Variants in MYOM1 observed in about 807,000 individuals in gnomAD.
MYOM1 encodes the protein myomesin 1, also known as myomesin-1.
A neutral mutation model predicts 205.3 loss-of-function variants in MYOM1; 164 were observed. That is an observed-to-expected ratio of 0.80 (90% confidence interval 0.70 to 0.91). MYOM1 has a LOEUF of 0.91. Among genes scored for constraint, MYOM1 ranks in the 40% least tolerant of loss-of-function variants. The pLI is 0.00. For missense variants in MYOM1, 2,011 were observed against 2,127.3 expected (o/e 0.95, Z 1.08); for synonymous variants, 772 against 789.4 (o/e 0.98, Z 0.37).
chr18:3,074,712 C>T (rs947044129), intron 36 of MYOM1, among the ~76,000 whole-genome samples: 3 of 152,188 alleles, frequency 2.0e-5, no homozygotes, highest in Non-Finnish European at 4.4e-5. Flanking sequence ...GCTTTTATCT[C>T]GCAGGGGCTC....
chr18:3,125,562 CAA>C (rs112746940), intron 19 of MYOM1, among the ~76,000 whole-genome samples: 18 of 73,142 alleles, frequency 2.5e-4, no homozygotes, highest in Admixed American at 4.4e-4. Flanking sequence ...AACTCCATCT[CAA>C]AAAAAAAAAA....
chr18:3,071,269 T>A (rs1172107899), intron 37 of MYOM1, among the ~76,000 whole-genome samples: 1 of 152,230 alleles, frequency 6.6e-6, no homozygotes, highest in Non-Finnish European at 1.5e-5. Context: ...AAAGGGTGAC[T>A]CTTCAAAGAT....
In MYOM1 at chr18:3,066,984, T is replaced by G; in HGVS notation, c.*278A>C. On this transcript the variant is annotated 3_prime_UTR_variant, in exon 38 of 38. Transcript: ENST00000356443. Reference sequence around the variant, plus strand: ...ACATTCGTCTGCCCTCTGACCATCATTCAATGTCCCTCCAACTTCATTCAA... The same window carrying G: ...ACATTCGTCTGCCCTCTGACCATCAGTCAATGTCCCTCCAACTTCATTCAA... 1 of 402,160 alleles carries G rather than the reference T, an allele frequency of 2.5e-6. No homozygotes were observed. Among genetic ancestry groups the G allele is most frequent in the Non-Finnish European group, 4.6e-6 (1 of 217,972 alleles). 24.9% of individuals were successfully genotyped at this position (402,160 alleles called of 1,614,324 possible).
chr18:3,181,338 T>TGA lies in MYOM1; in HGVS notation c.930-5206_930-5205dup, dbSNP rs541600662. 1.2e-3 allele frequency among the ~76,000 whole-genome samples: 184 copies of TGA among 151,080 alleles called. No individual in the cohort carries two copies. In the South Asian group the frequency reaches 0.025, roughly 21 times the overall value. On this transcript the variant is annotated intron_variant, in intron 5 of 37. Transcript: ENST00000356443. ...ACTTTAAAAACTATCTGAGAGAGAT[T>TGA]GAGAGAGAGAGAGAGATCCCATTGG...
chr18:3,073,278 C>T (rs1184413150), intron 36 of MYOM1, among the ~76,000 whole-genome samples: 1 of 152,182 alleles, frequency 6.6e-6, no homozygotes, highest in African/African-American at 2.4e-5. Flanking sequence ...CTCAGCCAAG[C>T]TATATGCCCT....
At position 3,120,015 on chromosome 18, in the gene MYOM1, A is replaced by G; in HGVS notation, c.2992-20T>C. ...GCTAATCTGCAACATTGACAACATC[A>G]CAGATACTGAATGTTCCAGGTTTGT... On this transcript the variant is annotated intron_variant, in intron 19 of 37. Coordinates refer to ENST00000356443, the MANE Select transcript of MYOM1 (RefSeq NM_003803.4). The G allele has an allele frequency of 6.4e-7, 1 of 1,562,786 alleles. No individual in the cohort carries two copies. Among genetic ancestry groups the G allele is most frequent in the Non-Finnish European group, 8.7e-7 (1 of 1,155,934 alleles).
rs558287653 is a variant in MYOM1, at chr18:3,110,229, G to C, written c.3418+2069C>G. Among the ~76,000 whole-genome samples the C allele has an allele frequency of 2.6e-5, 4 of 152,152 alleles. No homozygotes were observed. In the South Asian group the frequency reaches 6.2e-4, roughly 24 times the overall value. The stretch of plus-strand genomic sequence containing the variant: ...CTCCATGCTGTGGGTGTGCGTGGGG[G>C]TGTGCGTGTGTGTGTGGTGATGTTT... On this transcript the variant is annotated intron_variant, in intron 22 of 37. Transcript: ENST00000356443.
At chr18:3,149,103 C>CA (rs1461532328) in intron 13 of MYOM1, 42 bp downstream of exon 13, 1 of 1,582,164 alleles carries the variant, frequency 6.3e-7, no homozygotes, top group Non-Finnish European at 8.7e-7. Flanking sequence ...AACTGCTTAG[C>CA]AAAACATCAG....
At chr18:3,149,957 G>C (rs1488647769) in intron 12 of MYOM1, among the ~76,000 whole-genome samples, 1 of 152,176 alleles carries the variant, frequency 6.6e-6, no homozygotes, top group Non-Finnish European at 1.5e-5. Flanking sequence ...GATGGAATTT[G>C]CAAGTTTAGA....
chr18:3,115,682 T>A (rs558464337), intron 21 of MYOM1, among the ~76,000 whole-genome samples: 1 of 152,144 alleles, frequency 6.6e-6, no homozygotes, highest in Middle Eastern at 3.2e-3. Flanking sequence ...TAGCGGAAAA[T>A]ATTCTTTCGA....
chr18:3,136,305 T>C (rs1164651564), intron 14 of MYOM1, among the ~76,000 whole-genome samples: 1 of 152,216 alleles, frequency 6.6e-6, no homozygotes, highest in Non-Finnish European at 1.5e-5. Context: ...TTGAAAAATA[T>C]GCTACTTTAA....
intron 29 of MYOM1, among the ~76,000 whole-genome samples, chr18:3,088,416 A>G (rs913826617): frequency 2.0e-5 from 3 of 152,046 alleles, no homozygotes; most frequent in African/African-American, 7.2e-5. Context: ...CCTTATATGT[A>G]TTTCTGATAG....
Position 3,084,001 on chromosome 18 carries a change from A to G in MYOM1, c.4366T>C (p.Cys1456Arg). ...ATGTTTGACTCACCTATTTTTTTGC[A>G]TACTTCCATCATCAGTTCCTTAAAG... ...EAFKELMMEVCKKIALSATDL... is the reference protein window; with the variant it reads ...EAFKELMMEVRKKIALSATDL... Residue 1456 changes from cysteine to arginine, a missense_variant, in exon 32 of 38, where the codon TGC becomes CGC. Cys to Arg is a radical substitution (Grantham distance 180). Transcript: ENST00000356443. The G allele has an allele frequency of 6.3e-7, 1 of 1,587,446 alleles. No homozygotes were observed. The highest frequency in any genetic ancestry group is 8.6e-7 in the Non-Finnish European group (1 of 1,165,378).
At chr18:3,078,699 G>C (rs2079048540) in intron 34 of MYOM1, among the ~76,000 whole-genome samples, 1 of 152,158 alleles carries the variant, frequency 6.6e-6, no homozygotes, top group African/African-American at 2.4e-5. Context: ...GCCTCCCAAA[G>C]TGCTAGGATT....
chr18:3,168,768 T>G, intron 9 of MYOM1, 49 bp downstream of exon 9: 1 of 1,599,910 alleles, frequency 6.3e-7, no homozygotes, highest in Non-Finnish European at 8.6e-7. Flanking sequence ...CAATCTGGTC[T>G]ACAACCTTCG....
chr18:3,079,583 G>T (rs574121463), intron 33 of MYOM1, among the ~76,000 whole-genome samples: 13 of 151,608 alleles, frequency 8.6e-5, no homozygotes, highest in African/African-American at 3.1e-4. Context: ...AGCAGTCTGA[G>T]GCCCAGTGCA....
chr18:3,126,799 T>C lies in MYOM1; in HGVS notation c.2893A>G (p.Ile965Val). Residue 965 changes from isoleucine (I) to valine (V), a missense_variant, in exon 19 of 38, where the codon ATT (isoleucine) becomes GTT (valine). By Grantham distance (29) the Ile-to-Val change is conservative. Coordinates refer to ENST00000356443, the MANE Select transcript of MYOM1 (RefSeq NM_003803.4). ...CGATAGTTCACATAATAGCCAGTAA[T>C]TTCTGCCCCTCCAATCTTATCTGGT... ...KQPDKIGGAE[I>V]TGYYVNYREV... 1 of 1,613,944 alleles carries C rather than the reference T, an allele frequency of 6.2e-7. No individual in the cohort carries two copies. The highest frequency in any genetic ancestry group is 1.1e-5 in the South Asian group (1 of 91,048).
At chr18:3,204,629 A>T (rs900713624) in intron 2 of MYOM1, among the ~76,000 whole-genome samples, 1 of 152,028 alleles carries the variant, frequency 6.6e-6, no homozygotes, top group South Asian at 2.1e-4. Flanking sequence ...CAACATTATT[A>T]AAATGATACT....
In MYOM1 at chr18:3,155,028, G is replaced by A. The variant is rs1342032485; in HGVS notation, c.1562C>T (p.Ala521Val). ...AAPLDVKCLE[A>V]NKDYIIISWK... ...GGAGATGATGATATAATCTTTGTTG[G>A]CCTCCAAGCACTTCACATCCAAGGG... is the stretch of plus-strand genomic sequence containing the variant. Residue 521 changes from alanine to valine, a missense_variant, in exon 11 of 38, where the codon GCC (alanine) becomes GTC (valine). Coordinates refer to ENST00000356443, the MANE Select transcript of MYOM1 (RefSeq NM_003803.4). 8 of 1,613,306 alleles carry A rather than the reference G, an allele frequency of 5.0e-6. No individual in the cohort carries two copies. The African/African-American group carries it at 8.0e-5, about 16-fold the overall frequency.
Sources: allele counts gnomAD v4.1 joint callset (sites outside exome capture counted in the v4.1 genomes callset), GRCh38; gene constraint gnomAD v4.1.1; transcripts MANE v1.5; gene names NCBI Gene and HGNC (gene_info 2026-07-23, HGNC 2026-07-21).